The following MYO10 variants were observed in gnomAD, a reference collection of about 807,000 sequenced individuals.
MYO10 encodes unconventional myosin-X.
Under a neutral mutation model 257.3 loss-of-function variants are expected in MYO10, and 133 were observed. The ratio of observed to expected loss-of-function variants is 0.52; its 90% CI spans 0.45 to 0.60. The LOEUF (loss-of-function observed/expected upper bound fraction) is 0.60. Ranked by LOEUF, MYO10 falls within the 20% of genes least tolerant of loss-of-function variation. MYO10 has a pLI of 0.00. For missense variants in MYO10, 2,399 were observed against 2,635.7 expected (o/e 0.91, Z 1.97); for synonymous variants, 1,104 against 1,028.6 (o/e 1.07, Z -1.40).
intron 17 of MYO10, among the ~76,000 whole-genome samples, chr5:16,760,364 G>A (rs904667994): frequency 2.6e-5 from 4 of 151,262 alleles, no homozygotes; most frequent in African/African-American, 4.9e-5. Context: ...GGGAGGCTGA[G>A]GCAGGAGAAT....
intron 1 of MYO10, chr5:16,902,290 C>A: frequency 1.3e-6 from 1 of 795,994 alleles, no homozygotes; most frequent in South Asian, 1.3e-5. Context: ...AAGAACTCAG[C>A]TCCTTACATG....
chr5:16,697,173 G>A (rs919343278), intron 26 of MYO10, among the ~76,000 whole-genome samples: 4 of 152,026 alleles, frequency 2.6e-5, no homozygotes, highest in Non-Finnish European at 4.4e-5. Flanking sequence ...GAGCACTGTG[G>A]GGCTCCAAAG....
chr5:16,889,490 G>A lies in MYO10; in HGVS notation c.22-11783C>T, dbSNP rs1200105057. Among the ~76,000 whole-genome samples the A allele has an allele frequency of 6.8e-5, 3 of 44,268 alleles. No homozygotes were observed. The Admixed American group carries it at 9.7e-4, about 14-fold the overall frequency. 29.0% of individuals were successfully genotyped at this position (44,268 alleles called of 152,430 possible). On this transcript the variant is annotated intron_variant, in intron 1 of 40. Transcript: ENST00000513610. Reference sequence around the variant, plus strand: ...GGGAAGAAAAGAAAGAAGGAAGGAAGGAAGGAAGGAAGGAAGGAAGGAAGG... The same window carrying A: ...GGGAAGAAAAGAAAGAAGGAAGGAAAGAAGGAAGGAAGGAAGGAAGGAAGG...
intron 2 of MYO10, among the ~76,000 whole-genome samples, chr5:16,873,987 G>T (rs1744520197): frequency 6.6e-6 from 1 of 152,148 alleles, no homozygotes; most frequent in African/African-American, 2.4e-5. Context: ...ATTAACATTA[G>T]GCTCCTTGCT....
intron 19 of MYO10, among the ~76,000 whole-genome samples, chr5:16,752,914 T>C (rs1740421600): frequency 6.6e-6 from 1 of 152,178 alleles, no homozygotes; most frequent in Admixed American, 6.5e-5. Context: ...ACCTTAAATA[T>C]TTTGACATAC....
intron 1 of MYO10, among the ~76,000 whole-genome samples, chr5:16,891,629 T>C (rs1474684301): frequency 6.6e-6 from 1 of 152,140 alleles, no homozygotes; most frequent in Non-Finnish European, 1.5e-5. Context: ...TCATGATGTG[T>C]GAATTATATC....
chr5:16,743,738 T>G (rs1740092438), intron 19 of MYO10, among the ~76,000 whole-genome samples: 1 of 152,196 alleles, frequency 6.6e-6, no homozygotes, highest in African/African-American at 2.4e-5. Context: ...AAAAAAATGT[T>G]TGTTACATTA....
intron 18 of MYO10, among the ~76,000 whole-genome samples, chr5:16,757,521 G>A (rs1391209435): frequency 2.6e-5 from 4 of 152,088 alleles, no homozygotes; most frequent in South Asian, 2.1e-4. Flanking sequence ...TTCCACATGA[G>A]TCTCTAAATA....
chr5:16,845,545 G>A (rs541297021), intron 2 of MYO10, among the ~76,000 whole-genome samples: 1 of 152,162 alleles, frequency 6.6e-6, no homozygotes, highest in East Asian at 1.9e-4. Flanking sequence ...TCCACACTTA[G>A]AGTCCCAGCT....
intron 3 of MYO10, among the ~76,000 whole-genome samples, chr5:16,811,434 C>G (rs574860310): frequency 6.6e-6 from 1 of 152,354 alleles, no homozygotes; most frequent in East Asian, 1.9e-4. Flanking sequence ...CAGCCAGCAT[C>G]TGATTCCATG....
chr5:16,919,396 T>C (rs13154695), intron 1 of MYO10, among the ~76,000 whole-genome samples: 10,489 of 151,712 alleles, frequency 0.069, 430 homozygotes, highest in African/African-American at 0.11. Flanking sequence ...AACAAACAAA[T>C]AAACAAAAAT....
chr5:16,883,520 T>C (rs77321852), intron 1 of MYO10, among the ~76,000 whole-genome samples: 1 of 152,174 alleles, frequency 6.6e-6, no homozygotes, highest in South Asian at 2.1e-4. Flanking sequence ...TGGACAATTA[T>C]CCCCTTCCCT....
At chr5:16,880,254 T>TAA (rs5866215) in intron 1 of MYO10, among the ~76,000 whole-genome samples, 92,602 of 151,620 alleles carry the variant, frequency 0.61, 28,381 homozygotes, top group African/African-American at 0.66. Flanking sequence ...GATCCATAGT[T>TAA]GTCACTCTTT....
chr5:16,906,217 C>A (rs191845317), intron 1 of MYO10, among the ~76,000 whole-genome samples: 7 of 152,056 alleles, frequency 4.6e-5, no homozygotes, highest in African/African-American at 9.7e-5. Flanking sequence ...CAGAATGGAC[C>A]CCCCCATTCC....
intron 1 of MYO10, among the ~76,000 whole-genome samples, chr5:16,878,478 CTTAT>C (rs1344966406): frequency 1.3e-5 from 2 of 152,182 alleles, no homozygotes; most frequent in African/African-American, 2.4e-5. Flanking sequence ...CTCATTTCCA[CTTAT>C]TTATTTCCCC....
At chr5:16,782,829 T>C (rs1324590971) in intron 5 of MYO10, among the ~76,000 whole-genome samples, 1 of 152,130 alleles carries the variant, frequency 6.6e-6, no homozygotes, top group Non-Finnish European at 1.5e-5. Context: ...TTATATAGAA[T>C]GCATCACTCA....
At chr5:16,836,233 A>G (rs1743308756) in intron 2 of MYO10, among the ~76,000 whole-genome samples, 1 of 152,220 alleles carries the variant, frequency 6.6e-6, no homozygotes, top group African/African-American at 2.4e-5. Context: ...TTTGCATTTT[A>G]GAATGCGATG....
intron 26 of MYO10, among the ~76,000 whole-genome samples, chr5:16,697,010 T>C (rs1345100323): frequency 6.6e-6 from 1 of 150,596 alleles, no homozygotes; most frequent in Non-Finnish European, 1.5e-5. Flanking sequence ...TAAGATGCTA[T>C]GATTAAATAC....
At chr5:16,777,719 T>TGA (rs1249125729) in intron 9 of MYO10, among the ~76,000 whole-genome samples, 4 of 152,012 alleles carry the variant, frequency 2.6e-5, no homozygotes, top group Admixed American at 2.6e-4. Flanking sequence ...AGAGGGTTGA[T>TGA]GAGAGTGATT....
Sources: gnomAD v4.1 joint callset for allele counts (sites outside exome capture counted in the v4.1 genomes callset) on GRCh38, gnomAD v4.1.1 for gene constraint, MANE v1.5 for transcripts, NCBI Gene and HGNC (gene_info 2026-07-23, HGNC 2026-07-21) for gene names.